The following LSAMP variants were observed in gnomAD, a reference collection of about 807,000 sequenced individuals.
LSAMP encodes limbic system associated membrane protein.
In LSAMP, 7 loss-of-function variants were observed where a neutral mutation model predicts 38.6. That is an observed-to-expected ratio of 0.18 (90% CI 0.10 to 0.34). The LOEUF is 0.34. LSAMP is among the 10% of genes least tolerant of loss of function. The probability of loss-of-function intolerance (pLI) is 1.00; values close to 1 mark genes in which losing one functional copy is unlikely to be tolerated. For missense variants in LSAMP, 313 were observed against 420.0 expected, an observed-to-expected ratio of 0.75 and a Z score of 2.23; for synonymous variants, 154 against 166.8, an observed-to-expected ratio of 0.92 and a Z score of 0.59.
intron 1 of LSAMP, among the ~76,000 whole-genome samples, chr3:116,139,997 C>G (rs1225703423): frequency 2.0e-5 from 3 of 151,948 alleles, no homozygotes; most frequent in African/African-American, 7.2e-5. Context: ...AAGATCCCTT[C>G]AAATTTCTGC....
At chr3:116,134,840 C>G (rs1305886136) in intron 1 of LSAMP, among the ~76,000 whole-genome samples, 1 of 152,050 alleles carries the variant, frequency 6.6e-6, no homozygotes, top group East Asian at 1.9e-4. Flanking sequence ...GTGTCTCCCT[C>G]TAGGAGGTAC....
In LSAMP at chr3:116,445,222, G is replaced by A. The variant is rs1176182967; in HGVS notation, c.-191C>T. 13 of 604,108 alleles carry A rather than the reference G, an allele frequency of 2.2e-5. No homozygotes were observed. Among genetic ancestry groups the A allele is most frequent in the Non-Finnish European group, 3.2e-5 (11 of 342,730 alleles). The allele number at this position is 604,108 out of a possible 1,614,324, so 37.4% of individuals were successfully genotyped here. ...TCTTTTCCCTCTAAGACTTAACAAA[G>A]CCCTCATAAAACCCAAGCAGAAGGG... On this transcript the variant is annotated 5_prime_UTR_variant, in exon 1 of 7. Coordinates refer to ENST00000490035, the MANE Select transcript of LSAMP (RefSeq NM_002338.5).
At chr3:116,127,072 G>A (rs558550872) in intron 1 of LSAMP, among the ~76,000 whole-genome samples, 39 of 152,266 alleles carry the variant, frequency 2.6e-4, no homozygotes, top group East Asian at 7.7e-4. Flanking sequence ...CTTATGCCTG[G>A]ATTGATCTAC....
At chr3:116,360,237 A>G (rs1457329146) in intron 1 of LSAMP, 7 of 121,120 alleles carry the variant, frequency 5.8e-5, no homozygotes, top group Non-Finnish European at 3.4e-5. Context: ...CGAGTCAAAG[A>G]AAGGGGTGAC....
chr3:115,903,110 G>A (rs766231063), intron 3 of LSAMP, among the ~76,000 whole-genome samples: 21 of 152,124 alleles, frequency 1.4e-4, no homozygotes, highest in African/African-American at 3.1e-4. Flanking sequence ...TGGTTAGACT[G>A]GATAAAGAAA....
intron 1 of LSAMP, among the ~76,000 whole-genome samples, chr3:116,128,952 C>A (rs1186256472): frequency 6.6e-6 from 1 of 152,042 alleles, no homozygotes; most frequent in Non-Finnish European, 1.5e-5. Flanking sequence ...GTGACAACAT[C>A]CCTGAAAGGT....
chr3:116,242,969 A>G (rs2046558282), intron 1 of LSAMP, among the ~76,000 whole-genome samples: 1 of 152,214 alleles, frequency 6.6e-6, no homozygotes, highest in Non-Finnish European at 1.5e-5. Context: ...TCTATGAGTC[A>G]TTAAGAGTGA....
At position 115,806,427 on chromosome 3, in the gene LSAMP, C is replaced by T. The variant is rs934312614; in HGVS notation, c.*3890G>A. On this transcript the variant is annotated 3_prime_UTR_variant, in exon 7 of 7. Transcript: ENST00000490035. ...ATAGCCAATAGAAACAGTGAAACCACAACCAACTCAGGGATGGAATCTGCG... is the reference window on the plus strand; with the variant it reads ...ATAGCCAATAGAAACAGTGAAACCATAACCAACTCAGGGATGGAATCTGCG... The T allele has an allele frequency of 1.3e-5, 2 of 152,134 alleles. No individual in the cohort carries two copies. The highest frequency in any genetic ancestry group is 2.1e-4 in the South Asian group (1 of 4,822). The allele number at this position is 152,134 out of a possible 1,614,324, so 9.4% of individuals were successfully genotyped here.
intron 1 of LSAMP, among the ~76,000 whole-genome samples, chr3:116,244,937 G>T (rs887232407): frequency 1.3e-5 from 2 of 152,244 alleles, no homozygotes; most frequent in African/African-American, 4.8e-5. Context: ...TCAGAGTCCA[G>T]TCTATAAGTA....
intron 2 of LSAMP, among the ~76,000 whole-genome samples, chr3:116,081,432 G>A (rs990151336): frequency 3.3e-5 from 5 of 151,248 alleles, no homozygotes; most frequent in Admixed American, 6.6e-5. Flanking sequence ...CCAGCCTGGC[G>A]ACAGAGCAAG....
chr3:115,985,642 T>C (rs1390496517), intron 3 of LSAMP, among the ~76,000 whole-genome samples: 1 of 152,202 alleles, frequency 6.6e-6, no homozygotes, highest in African/African-American at 2.4e-5. Context: ...GCTGTTGTTA[T>C]GCTCACTCAC....
chr3:115,858,234 G>A (rs1365906153), intron 3 of LSAMP, among the ~76,000 whole-genome samples: 2 of 151,614 alleles, frequency 1.3e-5, no homozygotes, highest in Non-Finnish European at 2.9e-5. Flanking sequence ...TGTGTGAGCA[G>A]CACACACATT....
At chr3:115,939,568 C>CTTTCTTTCTTTCT (rs1559889066) in intron 3 of LSAMP, among the ~76,000 whole-genome samples, 1 of 57,624 alleles carries the variant, frequency 1.7e-5, no homozygotes, top group Non-Finnish European at 4.8e-5. Context: ...TTCTTTCTTT[C>CTTTCTTTCTTTCT]TTTCTTTCTT....
intron 2 of LSAMP, among the ~76,000 whole-genome samples, chr3:116,073,090 T>G (rs9833365): frequency 0.49 from 74,150 of 151,954 alleles, 19,437 homozygotes; most frequent in African/African-American, 0.7. Flanking sequence ...TTTATAAACT[T>G]TAAGGAAGTG....
intron 1 of LSAMP, among the ~76,000 whole-genome samples, chr3:116,341,756 G>C (rs1193331724): frequency 6.6e-6 from 1 of 151,958 alleles, no homozygotes; most frequent in East Asian, 1.9e-4. Context: ...ATAGAGAAAT[G>C]ACTCCCGCCT....
chr3:115,824,857 C>CT (rs1031237277), intron 6 of LSAMP, among the ~76,000 whole-genome samples: 9 of 151,944 alleles, frequency 5.9e-5, no homozygotes, highest in Admixed American at 3.3e-4. Flanking sequence ...GCCTTTTGTA[C>CT]TTTCATTTAT....
At chr3:115,944,337 G>C (rs1230030924) in intron 3 of LSAMP, among the ~76,000 whole-genome samples, 1 of 152,150 alleles carries the variant, frequency 6.6e-6, no homozygotes, top group Non-Finnish European at 1.5e-5. Flanking sequence ...TAACATGACA[G>C]TTTTGCCTAT....
intron 1 of LSAMP, among the ~76,000 whole-genome samples, chr3:116,407,556 A>T (rs199561806): frequency 1.3e-5 from 2 of 152,070 alleles, no homozygotes; most frequent in African/African-American, 4.8e-5. Flanking sequence ...AAAAGGTCTA[A>T]GTATAGCCTG....
chr3:116,185,303 A>G (rs1297083225), intron 1 of LSAMP, among the ~76,000 whole-genome samples: 3 of 151,784 alleles, frequency 2.0e-5, no homozygotes, highest in Non-Finnish European at 2.9e-5. Context: ...TTTTTCCCCA[A>G]TGTGGGTATT....
Sources: allele counts gnomAD v4.1 joint callset (sites outside exome capture counted in the v4.1 genomes callset), GRCh38; gene constraint gnomAD v4.1.1; transcripts MANE v1.5; gene names NCBI Gene and HGNC (gene_info 2026-07-23, HGNC 2026-07-21).